PDE11A: variants seen among roughly 807,000 people sequenced by gnomAD.
PDE11A encodes dual 3',5'-cyclic-AMP and -GMP phosphodiesterase 11A.
A neutral mutation model predicts 100.5 loss-of-function variants in PDE11A; 100 were observed. The ratio of observed to expected loss-of-function variants is 1.00; its 90% CI spans 0.85 to 1.18. The LOEUF is 1.18. Among genes scored for constraint, PDE11A ranks in the 50% most tolerant of loss-of-function variants. The pLI is 0.00. For synonymous variants in PDE11A, 381 were observed against 420.8 expected (o/e 0.91, Z 1.16); for missense variants, 1,141 against 1,152.6 (o/e 0.99, Z 0.15).
At chr2:178,006,827 G>A (rs201498590) in intron 2 of PDE11A, among the ~76,000 whole-genome samples, 1 of 147,086 alleles carries the variant, frequency 6.8e-6, no homozygotes, top group Non-Finnish European at 1.5e-5. Flanking sequence ...AAAACAAGGG[G>A]GGGGGGGGAA....
intron 9 of PDE11A, 85 bp from the exon 10 acceptor site, chr2:177,769,458 C>CGGCCGGGCGCGGTGGCTCACGCCTG: frequency 1.3e-6 from 1 of 779,910 alleles, no homozygotes; most frequent in Non-Finnish European, 2.2e-6. Flanking sequence ...ATAAGCTTTG[C>CGGCCGGGCGCGGTGGCTCACGCCTG]TTATGTATAT....
chr2:177,890,114 G>A lies in PDE11A; in HGVS notation c.1302+7944C>T, dbSNP rs181790910. On this transcript the variant is annotated intron_variant, in intron 4 of 19. Coordinates refer to ENST00000286063, the MANE Select transcript of PDE11A (RefSeq NM_016953.4). The stretch of plus-strand genomic sequence containing the variant: ...GCAGCCATTTCAGCTTCTGCCTGGT[G>A]AGAAGTCTCCTGTGCTTACTGTAAA... Among the ~76,000 whole-genome samples, 39 of 152,304 alleles carry A rather than the reference G, an allele frequency of 2.6e-4. No homozygotes were observed. In the East Asian group the frequency reaches 7.3e-3, roughly 29 times the overall value.
chr2:177,900,757 C>CA (rs556254195), intron 3 of PDE11A, among the ~76,000 whole-genome samples: 80 of 126,210 alleles, frequency 6.3e-4, no homozygotes, highest in South Asian at 2.5e-3. Context: ...GACTCCATCT[C>CA]AAAAAAAAAG....
rs575798332 is a variant in PDE11A at position 178,105,262 on chromosome 2, T to C, written c.-13-786A>G. Among the ~76,000 whole-genome samples the C allele has an allele frequency of 6.6e-5, 10 of 152,094 alleles. No homozygotes were observed. In the South Asian group the frequency reaches 1.5e-3, roughly 22 times the overall value. On this transcript the variant is annotated intron_variant, in intron 1 of 20. Coordinates refer to the PDE11A transcript ENST00000358450. ...AAATCACAAGGTCAGGAGTTCGAGA[T>C]CAGCCCGGCCAAGATGGTGAAACCC...
intron 2 of PDE11A, chr2:177,998,554 C>T: frequency 2.3e-6 from 3 of 1,314,500 alleles, no homozygotes; most frequent in Middle Eastern, 2.1e-4. Flanking sequence ...ACATCTTCAT[C>T]TTCACAGAGG....
At chr2:177,850,265 A>T (rs1461119391) in intron 5 of PDE11A, among the ~76,000 whole-genome samples, 1 of 152,220 alleles carries the variant, frequency 6.6e-6, no homozygotes, top group East Asian at 1.9e-4. Context: ...GACAAACCTG[A>T]GAAAAACAAG....
At chr2:177,697,490 T>C in intron 14 of PDE11A, 58 bp from the exon 15 acceptor site, 4 of 853,800 alleles carry the variant, frequency 4.7e-6, no homozygotes, top group Non-Finnish European at 6.1e-6. Flanking sequence ...GTTGATTACA[T>C]GTTTTTCCTC....
intron 1 of PDE11A, among the ~76,000 whole-genome samples, chr2:178,107,103 C>T (rs1011124149): frequency 2.0e-5 from 3 of 151,898 alleles, no homozygotes; most frequent in Admixed American, 6.6e-5. Flanking sequence ...ATTAAAGTCA[C>T]GTGTAACATA....
intron 12 of PDE11A, among the ~76,000 whole-genome samples, chr2:177,718,962 C>T (rs999478032): frequency 2.6e-5 from 4 of 152,146 alleles, no homozygotes; most frequent in Non-Finnish European, 4.4e-5. Context: ...AGAAGACAGC[C>T]GCCCCTTGCT....
intron 12 of PDE11A, among the ~76,000 whole-genome samples, chr2:177,716,121 CTTATT>C (rs1176879895): frequency 6.6e-6 from 1 of 152,202 alleles, no homozygotes; most frequent in Non-Finnish European, 1.5e-5. Context: ...ACTTAATCCT[CTTATT>C]TTGAGTGTGC....
At chr2:177,660,802 G>C (rs1265587950) in intron 19 of PDE11A, among the ~76,000 whole-genome samples, 1 of 152,204 alleles carries the variant, frequency 6.6e-6, no homozygotes. Context: ...TTATCTATTT[G>C]ATATTTGACA....
chr2:178,045,815 T>C (rs73972671), intron 1 of PDE11A, among the ~76,000 whole-genome samples: 1 of 152,346 alleles, frequency 6.6e-6, no homozygotes, highest in African/African-American at 2.4e-5. Context: ...TGGATGTGAA[T>C]GGCTAAAACA....
At chr2:177,815,166 A>T (rs1436418006) in intron 9 of PDE11A, among the ~76,000 whole-genome samples, 1 of 152,188 alleles carries the variant, frequency 6.6e-6, no homozygotes, top group Non-Finnish European at 1.5e-5. Flanking sequence ...GGCATAACTC[A>T]ACATTTGCTG....
chr2:177,946,363 C>T (rs1251714902), intron 2 of PDE11A, among the ~76,000 whole-genome samples: 38 of 118,534 alleles, frequency 3.2e-4, no homozygotes, highest in African/African-American at 4.4e-4. Context: ...CCAGCCGCCC[C>T]GTCCGGGAGG....
At chr2:177,775,701 C>T (rs943056731) in intron 9 of PDE11A, among the ~76,000 whole-genome samples, 1 of 152,136 alleles carries the variant, frequency 6.6e-6, no homozygotes, top group Non-Finnish European at 1.5e-5. Flanking sequence ...TCAGAGCTTC[C>T]CTGTCCTCAT....
intron 2 of PDE11A, among the ~76,000 whole-genome samples, chr2:177,924,262 ATATAT>A (rs1370979658): frequency 6.6e-6 from 1 of 152,204 alleles, no homozygotes; most frequent in African/African-American, 2.4e-5. Flanking sequence ...ATTTATATTG[ATATAT>A]TATAGCATCC....
intron 2 of PDE11A, among the ~76,000 whole-genome samples, chr2:177,952,564 C>G (rs1559021513): frequency 6.6e-6 from 1 of 152,160 alleles, no homozygotes; most frequent in Non-Finnish European, 1.5e-5. Context: ...AGTTTGGGTA[C>G]TTTCTGAGGC....
intron 17 of PDE11A, among the ~76,000 whole-genome samples, chr2:177,674,059 C>T (rs2080728391): frequency 6.6e-6 from 1 of 152,164 alleles, no homozygotes. Flanking sequence ...TGTGGATACG[C>T]TTGCATCATT....
chr2:177,949,988 G>C (rs1368660771), intron 2 of PDE11A, among the ~76,000 whole-genome samples: 1 of 151,088 alleles, frequency 6.6e-6, no homozygotes, highest in Non-Finnish European at 1.5e-5. Flanking sequence ...AATGCTCTTT[G>C]TTGAGAACAT....
Sources: gnomAD v4.1 joint callset for allele counts (sites outside exome capture counted in the v4.1 genomes callset) on GRCh38, gnomAD v4.1.1 for gene constraint, MANE v1.5 for transcripts, NCBI Gene and HGNC (gene_info 2026-07-23, HGNC 2026-07-21) for gene names.